RC3H2: variants seen among roughly 807,000 people sequenced by gnomAD.
The protein encoded by RC3H2 is ring finger and CCCH-type domains 2, also known as roquin-2.
Under a neutral mutation model 133.3 loss-of-function variants are expected in RC3H2, and 31 were observed. The observed-to-expected ratio is 0.23, with a 90% CI of 0.17 to 0.31. RC3H2 has a LOEUF of 0.31. Ranked by LOEUF, RC3H2 falls within the 10% of genes least tolerant of loss-of-function variation. RC3H2 has a pLI of 1.00. For synonymous variants in RC3H2, 517 were observed against 502.2 expected (o/e 1.03, Z -0.40); for missense variants, 1,175 against 1,437.2 (o/e 0.82, Z 2.95).
intron 4 of RC3H2, among the ~76,000 whole-genome samples, chr9:122,886,279 T>TAAA (rs1411250104): frequency 3.9e-5 from 6 of 152,248 alleles, no homozygotes; most frequent in Admixed American, 1.3e-4. Context: ...TATGGATACA[T>TAAA]TACATTTTGT....
intron 9 of RC3H2, among the ~76,000 whole-genome samples, chr9:122,869,561 T>A (rs1206139452): frequency 1.7e-3 from 1 of 600 alleles, no homozygotes; most frequent in East Asian, 0.071. Flanking sequence ...GTTTACACGA[T>A]TTTTTTTTTT....
At chr9:122,892,844 A>G in intron 3 of RC3H2, 65 bp downstream of exon 3, 1 of 1,260,304 alleles carries the variant, frequency 7.9e-7, no homozygotes, top group Non-Finnish European at 1.2e-6. Context: ...ATCCACATCA[A>G]GTCATTCAAA....
chr9:122,882,591 T>A (rs1341778323), intron 5 of RC3H2, among the ~76,000 whole-genome samples: 1 of 152,204 alleles, frequency 6.6e-6, no homozygotes, highest in Non-Finnish European at 1.5e-5. Context: ...TAAAAACACT[T>A]TAAGGATTCA....
intron 6 of RC3H2, 125 bp from the exon 7 acceptor site, chr9:122,880,250 T>C: frequency 9.1e-7 from 1 of 1,097,922 alleles, no homozygotes; most frequent in Non-Finnish European, 1.4e-6. Flanking sequence ...AGTAGGAGTA[T>C]CAGTGATGAA....
At position 122,858,785 on chromosome 9, in the gene RC3H2, T is replaced by C. The variant is rs1237792155; in HGVS notation, c.2167A>G (p.Met723Val). 6.2e-7 allele frequency: 1 copy of C among 1,614,160 alleles called. No homozygotes were observed. The highest frequency in any genetic ancestry group is 1.3e-5 in the African/African-American group (1 of 74,956). Residue 723 changes from methionine (M) to valine (V), a missense_variant, in exon 12 of 21, where the codon ATG (methionine) becomes GTG (valine). Met to Val is a conservative substitution (Grantham distance 21, BLOSUM62 1). Transcript: ENST00000357244. ...GATGTCTGATAGACAGATGAGTGCA[T>C]CACATCCATTGGAGGTAAAGAATTG... ...RSNSLPPMDV[M>V]HSSVYQTSLR... is the part of the protein sequence containing the mutation.
chr9:122,869,418 G>C (rs1830959627), intron 9 of RC3H2, among the ~76,000 whole-genome samples: 1 of 152,018 alleles, frequency 6.6e-6, no homozygotes, highest in Non-Finnish European at 1.5e-5. Context: ...TCATTATTCA[G>C]TCCTTCTCTT....
At chr9:122,859,219 C>A in intron 11 of RC3H2, 117 bp from the exon 12 acceptor site, 3 of 698,932 alleles carry the variant, frequency 4.3e-6, no homozygotes, top group Non-Finnish European at 6.3e-6. Context: ...TTGAACCTTA[C>A]CTTACCCTGC....
intron 4 of RC3H2, among the ~76,000 whole-genome samples, chr9:122,884,943 A>G (rs1275494427): frequency 6.6e-6 from 1 of 152,164 alleles, no homozygotes. Context: ...AAGCTGAGGA[A>G]CAGTTCCAGA....
At chr9:122,870,455 T>C (rs927791194) in intron 9 of RC3H2, among the ~76,000 whole-genome samples, 2 of 150,596 alleles carry the variant, frequency 1.3e-5, no homozygotes, top group East Asian at 3.9e-4. Flanking sequence ...AAGGTTGCTC[T>C]AGAAAGCAAA....
chr9:122,898,663 C>T (rs1336832282), intron 1 of RC3H2, among the ~76,000 whole-genome samples: 1 of 150,852 alleles, frequency 6.6e-6, no homozygotes, highest in Admixed American at 6.6e-5. Context: ...GCAGGAGAAT[C>T]ACTTGAATGT....
intron 10 of RC3H2, among the ~76,000 whole-genome samples, chr9:122,864,961 G>C (rs1375179369): frequency 6.6e-6 from 1 of 152,002 alleles, no homozygotes; most frequent in African/African-American, 2.4e-5. Flanking sequence ...AAGTGAAAGC[G>C]CTCTGACTGA....
At chr9:122,855,462 C>T in intron 14 of RC3H2, 65 bp from the exon 15 acceptor site, 11 of 1,425,586 alleles carry the variant, frequency 7.7e-6, no homozygotes, top group Non-Finnish European at 9.8e-6. Flanking sequence ...TAAATATATG[C>T]TATCAAAAGA....
At chr9:122,899,520 G>A (rs1324443841) in intron 1 of RC3H2, among the ~76,000 whole-genome samples, 2 of 152,044 alleles carry the variant, frequency 1.3e-5, no homozygotes, top group Non-Finnish European at 2.9e-5. Flanking sequence ...ATCTAATATC[G>A]TTATCTTTAA....
In RC3H2 at chr9:122,845,948, A is replaced by G. The variant is rs1318042390; in HGVS notation, c.*3679T>C. The G allele has an allele frequency of 2.0e-5, 3 of 152,222 alleles. No individual in the cohort carries two copies. Among genetic ancestry groups the G allele is most frequent in the East Asian group, 1.9e-4 (1 of 5,200 alleles). The allele number at this position is 152,222 out of a possible 1,614,324, so 9.4% of individuals were successfully genotyped here. A position where few individuals can be genotyped will look rare whatever the true frequency, so the allele number is the denominator to read the frequency against. ...ACAGTCTGCTCCAAAAATGACTCAAAGAAGATAGGGAAGAAATACTCAGAT... is the reference window on the plus strand; with the variant it reads ...ACAGTCTGCTCCAAAAATGACTCAAGGAAGATAGGGAAGAAATACTCAGAT... On this transcript the variant is annotated 3_prime_UTR_variant, in exon 21 of 21. Transcript: ENST00000357244.
chr9:122,849,746 A>C lies in RC3H2; in HGVS notation c.3457T>G (p.Cys1153Gly). Residue 1153 changes from cysteine to glycine, a missense_variant, in exon 21 of 21, where the codon TGC becomes GGC. Cys to Gly is a radical substitution (Grantham distance 159). Transcript: ENST00000357244. ...CTGACAGATGTGGTGATGGGGAGGC[A>C]ACTTGCATTGCTAATAGACACTGGG... ...PLPVSISNAS[C>G]LPITTSVSAG... 3.1e-6 allele frequency: 5 copies of C among 1,609,878 alleles called. No homozygotes were observed. Among genetic ancestry groups the C allele is most frequent in the Non-Finnish European group, 4.2e-6 (5 of 1,177,876 alleles).
intron 4 of RC3H2, among the ~76,000 whole-genome samples, chr9:122,886,650 A>ACT (rs1215169521): frequency 6.6e-6 from 1 of 152,214 alleles, no homozygotes; most frequent in African/African-American, 2.4e-5. Context: ...TAAGCGTGCC[A>ACT]CTGCACTCCA....
At chr9:122,886,645 G>T (rs572339645) in intron 4 of RC3H2, among the ~76,000 whole-genome samples, 1 of 152,144 alleles carries the variant, frequency 6.6e-6, no homozygotes, top group Non-Finnish European at 1.5e-5. Flanking sequence ...GGCTATAAGC[G>T]TGCCACTGCA....
intron 2 of RC3H2, among the ~76,000 whole-genome samples, chr9:122,895,160 G>GTT (rs376723673): frequency 1.4e-4 from 19 of 139,948 alleles, no homozygotes; most frequent in South Asian, 2.4e-4. Flanking sequence ...TGGTAGCTAG[G>GTT]TTTTTTTTTT....
At chr9:122,902,462 A>T (rs1232503589) in intron 1 of RC3H2, among the ~76,000 whole-genome samples, 1 of 152,210 alleles carries the variant, frequency 6.6e-6, no homozygotes, top group African/African-American at 2.4e-5. Context: ...TTGGAAGAGT[A>T]ATGCTGATCT....
Sources: gnomAD v4.1 joint callset for allele counts (sites outside exome capture counted in the v4.1 genomes callset) on GRCh38, gnomAD v4.1.1 for gene constraint, MANE v1.5 for transcripts, NCBI Gene and HGNC (gene_info 2026-07-23, HGNC 2026-07-21) for gene names.